The following MAN2A1 variants were observed in gnomAD, a reference collection of about 807,000 sequenced individuals.
MAN2A1 encodes the protein alpha-mannosidase 2.
MAN2A1 carries 76 observed loss-of-function variants against 142.6 expected under a neutral mutation model. The observed-to-expected ratio is 0.53, with a 90% CI of 0.44 to 0.65. The LOEUF is 0.65. Among genes scored for constraint, MAN2A1 ranks in the 30% least tolerant of loss-of-function variants. The pLI is 0.00. For synonymous variants in MAN2A1, 559 were observed against 473.2 expected, an observed-to-expected ratio of 1.18 and a Z score of -2.35; for missense variants, 1,311 against 1,365.1, an observed-to-expected ratio of 0.96 and a Z score of 0.62.
At chr5:109,710,618 C>T (rs767012585) in intron 1 of MAN2A1, among the ~76,000 whole-genome samples, 1 of 151,954 alleles carries the variant, frequency 6.6e-6, no homozygotes, top group African/African-American at 2.4e-5. Flanking sequence ...AATTCTTCTG[C>T]GTCAGCCTTC....
Position 109,770,273 on chromosome 5 carries a change from G to T in MAN2A1, c.1010-82G>T, listed in dbSNP as rs1003543271. ...CACAGAGCTAAATCAGCATTACTTT[G>T]TGTAAAGTAATGACATTTTGAATAT... On this transcript the variant is annotated intron_variant, in intron 6 of 21. Coordinates refer to ENST00000261483, the MANE Select transcript of MAN2A1 (RefSeq NM_002372.4). 1.7e-5 allele frequency: 21 copies of T among 1,261,382 alleles called. 1 individual carries two copies. The South Asian group carries it at 2.3e-4, about 14-fold the overall frequency. The allele number at this position is 1,261,382 out of a possible 1,614,324, so 78.1% of individuals were successfully genotyped here. A position where few individuals can be genotyped will look rare whatever the true frequency, so the allele number is the denominator to read the frequency against.
At chr5:109,766,562 G>T (rs1402323832) in intron 5 of MAN2A1, among the ~76,000 whole-genome samples, 1 of 151,710 alleles carries the variant, frequency 6.6e-6, no homozygotes, top group Non-Finnish European at 1.5e-5. Flanking sequence ...TTGTTGTCTT[G>T]TGTGTTACTT....
In MAN2A1 at chr5:109,767,540, A is replaced by G; in HGVS notation, c.841A>G (p.Lys281Glu). 1 of 1,611,242 alleles carries G rather than the reference A, an allele frequency of 6.2e-7. No homozygotes were observed. Among genetic ancestry groups the G allele is most frequent in the Non-Finnish European group, 8.5e-7 (1 of 1,179,042 alleles). Residue 281 changes from lysine (K) to glutamate (E), a missense_variant, in exon 6 of 22, where the codon AAA (lysine) becomes GAA (glutamate). Lys to Glu is a moderately conservative substitution (Grantham distance 56, BLOSUM62 1). Transcript: ENST00000261483. ...CTTATCATCTTTATCCACAGGAGTG[A>G]AACCTCGGTCCGGCTGGGCTATTGA... Reference protein sequence around the residue: ...HQWLENNIGVKPRSGWAIDPF... With the variant: ...HQWLENNIGVEPRSGWAIDPF...
intron 7 of MAN2A1, among the ~76,000 whole-genome samples, chr5:109,773,952 A>T (rs1442758782): frequency 6.6e-6 from 1 of 152,130 alleles, no homozygotes; most frequent in Non-Finnish European, 1.5e-5. Flanking sequence ...CACTTGTATA[A>T]TTTCATTTTC....
At chr5:109,745,244 CAATT>C (rs770699311) in intron 4 of MAN2A1, among the ~76,000 whole-genome samples, 54 of 151,768 alleles carry the variant, frequency 3.6e-4, no homozygotes, top group Admixed American at 1.2e-3. Context: ...TGTTATATCT[CAATT>C]AAAATATTTT....
At chr5:109,800,465 G>A (rs1258932530) in intron 12 of MAN2A1, among the ~76,000 whole-genome samples, 1 of 152,198 alleles carries the variant, frequency 6.6e-6, no homozygotes, top group Non-Finnish European at 1.5e-5. Context: ...TTGCACTAGA[G>A]GGAATCTGTC....
chr5:109,735,466 C>G lies in MAN2A1; in HGVS notation c.707+5953C>G, dbSNP rs1752062675. The stretch of plus-strand genomic sequence containing the variant: ...TTAGTTGATGCAGTTTCTTCCTAGC[C>G]TCGATGGTCTTTACAATTTGGCATG... On this transcript the variant is annotated intron_variant, in intron 4 of 21. Transcript: ENST00000261483. Among the ~76,000 whole-genome samples, 3 of 152,224 alleles carry G rather than the reference C, an allele frequency of 2.0e-5. No individual in the cohort carries two copies. The South Asian group carries it at 6.2e-4, about 32-fold the overall frequency.
At chr5:109,708,909 G>A (rs1315884129) in intron 1 of MAN2A1, among the ~76,000 whole-genome samples, 6 of 152,120 alleles carry the variant, frequency 3.9e-5, no homozygotes, top group African/African-American at 1.4e-4. Context: ...ACCACATTTA[G>A]GGCACATCTT....
At chr5:109,726,554 T>C (rs1228445039) in intron 3 of MAN2A1, among the ~76,000 whole-genome samples, 1 of 152,194 alleles carries the variant, frequency 6.6e-6, no homozygotes, top group Non-Finnish European at 1.5e-5. Context: ...TACCATATTT[T>C]CCTCATGATT....
chr5:109,760,389 G>A (rs1752810396), intron 5 of MAN2A1, among the ~76,000 whole-genome samples: 1 of 152,082 alleles, frequency 6.6e-6, no homozygotes, highest in South Asian at 2.1e-4. Context: ...ATCATTGATG[G>A]GCATTTGGGT....
chr5:109,820,535 G>A (rs1292161500), intron 15 of MAN2A1, among the ~76,000 whole-genome samples, 193 bp downstream of exon 15: 3 of 152,166 alleles, frequency 2.0e-5, no homozygotes, highest in Non-Finnish European at 2.9e-5. Flanking sequence ...ATGGTTGGGC[G>A]CAGTGGCTCA....
chr5:109,726,988 G>A (rs371021272), intron 3 of MAN2A1, among the ~76,000 whole-genome samples: 99 of 152,160 alleles, frequency 6.5e-4, no homozygotes, highest in African/African-American at 2.1e-3. Context: ...ATAAAAGCAC[G>A]GTACAGAAAT....
intron 12 of MAN2A1, among the ~76,000 whole-genome samples, chr5:109,812,499 A>T (rs1194962078): frequency 6.6e-6 from 1 of 152,298 alleles, no homozygotes; most frequent in East Asian, 1.9e-4. Context: ...TCATGTTTCC[A>T]TATTCAGAAT....
chr5:109,824,228 A>G (rs561855549), intron 16 of MAN2A1, among the ~76,000 whole-genome samples: 1 of 152,342 alleles, frequency 6.6e-6, no homozygotes, highest in African/African-American at 2.4e-5. Flanking sequence ...AGCCTGTATC[A>G]CTGGAATGTA....
At chr5:109,828,376 A>G (rs1457519005) in intron 16 of MAN2A1, among the ~76,000 whole-genome samples, 2 of 152,172 alleles carry the variant, frequency 1.3e-5, no homozygotes, top group East Asian at 3.9e-4. Flanking sequence ...TAATTAGAAG[A>G]TAGAATATAA....
At position 109,830,187 on chromosome 5, in the gene MAN2A1, T is replaced by C. The variant is rs575287718; in HGVS notation, c.2566+6350T>C. On this transcript the variant is annotated intron_variant, in intron 16 of 21. Coordinates refer to ENST00000261483, the MANE Select transcript of MAN2A1 (RefSeq NM_002372.4). ...ATCCATGCATAGTTTTTTCATGATATGCATTTTCCATGAAACTTTTGAAGA... is the reference window on the plus strand; with the variant it reads ...ATCCATGCATAGTTTTTTCATGATACGCATTTTCCATGAAACTTTTGAAGA... Among the ~76,000 whole-genome samples, 96 of 152,342 alleles carry C rather than the reference T, an allele frequency of 6.3e-4. 1 individual carries two copies. Among genetic ancestry groups the C allele is most frequent in the African/African-American group, 2.2e-3 (90 of 41,578 alleles).
At chr5:109,858,783 C>T (rs1388518114) in intron 20 of MAN2A1, among the ~76,000 whole-genome samples, 1 of 152,214 alleles carries the variant, frequency 6.6e-6, no homozygotes, top group East Asian at 1.9e-4. Context: ...CTTGCTTGGC[C>T]CTCTGGGCCG....
intron 4 of MAN2A1, among the ~76,000 whole-genome samples, chr5:109,743,987 G>A (rs965152221): frequency 6.6e-6 from 1 of 152,074 alleles, no homozygotes; most frequent in South Asian, 2.1e-4. Flanking sequence ...GACACATGCC[G>A]TTTTGTGCTT....
intron 19 of MAN2A1, among the ~76,000 whole-genome samples, chr5:109,849,039 C>T (rs983967349): frequency 1.1e-4 from 17 of 152,170 alleles, no homozygotes; most frequent in Admixed American, 3.3e-4. Context: ...TGGCACTGGC[C>T]ATTGTCACTC....
Sources: gnomAD v4.1 joint callset for allele counts (sites outside exome capture counted in the v4.1 genomes callset) on GRCh38, gnomAD v4.1.1 for gene constraint, MANE v1.5 for transcripts, NCBI Gene and HGNC (gene_info 2026-07-23, HGNC 2026-07-21) for gene names.